The following BCAR3 variants were observed in gnomAD, a reference collection of about 807,000 sequenced individuals.
BCAR3 encodes the protein BCAR3 adaptor protein, NSP family member, also known as breast cancer anti-estrogen resistance protein 3.
A neutral mutation model predicts 80.1 loss-of-function variants in BCAR3; 37 were observed. The observed-to-expected ratio is 0.46, with a 90% confidence interval of 0.36 to 0.61. BCAR3 has a LOEUF of 0.61. Among genes scored for constraint, BCAR3 ranks in the 20% least tolerant of loss-of-function variants. The probability of loss-of-function intolerance (pLI) is 0.00; values close to 1 mark genes in which losing one functional copy is unlikely to be tolerated. For synonymous variants in BCAR3, 389 were observed against 418.9 expected, an observed-to-expected ratio of 0.93 and a Z score of 0.87; for missense variants, 978 against 1,068.2, an observed-to-expected ratio of 0.92 and a Z score of 1.18.
chr1:93,682,631 T>C (rs1401872187), upstream of BCAR3, among the ~76,000 whole-genome samples: 5 of 152,200 alleles, frequency 3.3e-5, no homozygotes, highest in African/African-American at 1.2e-4. Flanking sequence ...CTTGGCTCAC[T>C]GCAACCTCCG....
intron 5 of BCAR3, among the ~76,000 whole-genome samples, chr1:93,585,996 A>G (rs1673928164): frequency 6.6e-6 from 1 of 152,234 alleles, no homozygotes; most frequent in East Asian, 1.9e-4. Context: ...GCAATGTGAA[A>G]TAAGTGTATC....
intron 2 of BCAR3, among the ~76,000 whole-genome samples, chr1:93,842,277 G>A (rs1027964411): frequency 6.6e-6 from 1 of 151,470 alleles, no homozygotes; most frequent in Non-Finnish European, 1.5e-5. Context: ...TCAGCCTCCC[G>A]AGTAGCTGGG....
chr1:93,635,365 A>G (rs1366329099), intron 3 of BCAR3, among the ~76,000 whole-genome samples: 7 of 152,082 alleles, frequency 4.6e-5, no homozygotes, highest in Non-Finnish European at 8.8e-5. Context: ...GTCACTATAA[A>G]CATGCATATA....
chr1:93,709,566 A>G (rs1019612169), intron 2 of BCAR3, among the ~76,000 whole-genome samples: 1 of 152,166 alleles, frequency 6.6e-6, no homozygotes, highest in Admixed American at 6.5e-5. Flanking sequence ...CTGTATAAGG[A>G]TGTCTTACTG....
chr1:93,745,973 G>A (rs937131220), intron 2 of BCAR3, among the ~76,000 whole-genome samples: 1 of 152,236 alleles, frequency 6.6e-6, no homozygotes, highest in Non-Finnish European at 1.5e-5. Context: ...TCAGAAGATA[G>A]AAGCTTTTAT....
upstream of BCAR3, among the ~76,000 whole-genome samples, chr1:93,685,241 T>C (rs2101959600): frequency 6.6e-6 from 1 of 152,330 alleles, no homozygotes; most frequent in South Asian, 2.1e-4. Context: ...AGGTATCCTG[T>C]GAAAAGTTCC....
At chr1:93,659,421 G>A (rs187140908) in intron 2 of BCAR3, among the ~76,000 whole-genome samples, 103 of 151,752 alleles carry the variant, frequency 6.8e-4, no homozygotes, top group Non-Finnish European at 1.3e-3. Context: ...TCAAACCCCT[G>A]GGCTCAAGCA....
intron 2 of BCAR3, among the ~76,000 whole-genome samples, chr1:93,827,766 G>A (rs1239670902): frequency 1.3e-5 from 2 of 151,840 alleles, no homozygotes; most frequent in Non-Finnish European, 2.9e-5. Context: ...GAGAAGGGAG[G>A]GAAGGAGAAA....
At chr1:93,790,230 C>T (rs1653093483) in intron 2 of BCAR3, among the ~76,000 whole-genome samples, 1 of 151,704 alleles carries the variant, frequency 6.6e-6, no homozygotes. Flanking sequence ...TGGCTAAAGA[C>T]AATGAAGAAA....
chr1:93,620,662 G>A (rs1385947898), intron 3 of BCAR3, among the ~76,000 whole-genome samples: 1 of 152,064 alleles, frequency 6.6e-6, no homozygotes, highest in African/African-American at 2.4e-5. Flanking sequence ...ACCTCCTCCT[G>A]CCCTGGCCCT....
intron 3 of BCAR3, among the ~76,000 whole-genome samples, chr1:93,615,971 G>C (rs1675111314): frequency 6.6e-6 from 1 of 152,192 alleles, no homozygotes; most frequent in African/African-American, 2.4e-5. Flanking sequence ...TCAGCCAAGA[G>C]ACTCCGAAGC....
chr1:93,636,769 A>G (rs1024732002), intron 3 of BCAR3, among the ~76,000 whole-genome samples: 5 of 152,148 alleles, frequency 3.3e-5, no homozygotes, highest in African/African-American at 1.2e-4. Flanking sequence ...CTTTACTAAA[A>G]TAACTGTAGG....
At chr1:93,701,372 C>T (rs1488734645) in intron 3 of BCAR3, among the ~76,000 whole-genome samples, 8 of 152,272 alleles carry the variant, frequency 5.3e-5, no homozygotes, top group South Asian at 2.1e-4. Context: ...GGCCACCCCA[C>T]GTGTCTTCCA....
In BCAR3 at chr1:93,843,656, T is replaced by C. The variant is rs567152176; in HGVS notation, c.-63+1911A>G. On this transcript the variant is annotated intron_variant, in intron 2 of 13. Coordinates refer to the BCAR3 transcript ENST00000370244. ...TAGGTATGTTTTATTAGTAGTATAA[T>C]AGAGCATCCTGGTTCCTTGGGGGTC... 1.2e-3 allele frequency among the ~76,000 whole-genome samples: 190 copies of C among 152,350 alleles called. 2 individuals are homozygous for C. Among genetic ancestry groups the C allele is most frequent in the African/African-American group, 4.5e-3 (186 of 41,578 alleles).
At chr1:93,717,185 T>C (rs1571069724) in intron 2 of BCAR3, among the ~76,000 whole-genome samples, 1 of 152,060 alleles carries the variant, frequency 6.6e-6, no homozygotes, top group African/African-American at 2.4e-5. Flanking sequence ...CAGAGATGAG[T>C]CATCCTAGCT....
At chr1:93,595,768 AT>A (rs1350038678) in intron 3 of BCAR3, among the ~76,000 whole-genome samples, 1 of 152,234 alleles carries the variant, frequency 6.6e-6, no homozygotes, top group African/African-American at 2.4e-5. Context: ...ATCCATCTGT[AT>A]TTCTGAGAAC....
chr1:93,846,652 C>T (rs1238329173), intron 1 of BCAR3, among the ~76,000 whole-genome samples: 1 of 151,808 alleles, frequency 6.6e-6, no homozygotes, highest in Non-Finnish European at 1.5e-5. Context: ...CGAGCGCGCG[C>T]CCTCCGACCA....
intron 2 of BCAR3, among the ~76,000 whole-genome samples, chr1:93,671,441 C>T (rs894815141): frequency 6.6e-6 from 1 of 152,172 alleles, no homozygotes. Context: ...ACATCCAAGG[C>T]GGCCCACTAT....
chr1:93,758,888 T>G (rs924710985), intron 2 of BCAR3, among the ~76,000 whole-genome samples: 4 of 152,214 alleles, frequency 2.6e-5, no homozygotes, highest in African/African-American at 9.7e-5. Flanking sequence ...TCCAGCTGTC[T>G]GCACTGTGAA....
Sources: gnomAD v4.1 joint callset for allele counts (sites outside exome capture counted in the v4.1 genomes callset) on GRCh38, gnomAD v4.1.1 for gene constraint, MANE v1.5 for transcripts, NCBI Gene and HGNC (gene_info 2026-07-23, HGNC 2026-07-21) for gene names.